The following RREB1 variants were observed in gnomAD, a reference collection of about 807,000 sequenced individuals.
RREB1 encodes ras-responsive element-binding protein 1.
A neutral mutation model predicts 117.8 loss-of-function variants in RREB1; 27 were observed. The ratio of observed to expected loss-of-function variants is 0.23; its 90% CI spans 0.17 to 0.32. The LOEUF (loss-of-function observed/expected upper bound fraction) is 0.32, where lower values mean the gene tolerates loss of function less well. Ranked by LOEUF, RREB1 falls within the 10% of genes least tolerant of loss-of-function variation. The pLI is 1.00. For synonymous variants in RREB1, 1,298 were observed against 1,026.7 expected (o/e 1.26, Z -5.05); for missense variants, 2,577 against 2,378.2 (o/e 1.08, Z -1.74).
chr6:7,168,021 G>T (rs535992510), intron 1 of RREB1, among the ~76,000 whole-genome samples: 1 of 152,180 alleles, frequency 6.6e-6, no homozygotes, highest in East Asian at 1.9e-4. Flanking sequence ...AACACTTTGT[G>T]AGGCCGAGGT....
At chr6:7,195,811 T>TG (rs772880894) in intron 6 of RREB1, among the ~76,000 whole-genome samples, 15 of 152,190 alleles carry the variant, frequency 9.9e-5, no homozygotes, top group Non-Finnish European at 1.9e-4. Flanking sequence ...CGTTCCATCT[T>TG]GTTTGTAACC....
intron 1 of RREB1, among the ~76,000 whole-genome samples, chr6:7,162,364 G>T (rs1367982811): frequency 6.6e-6 from 1 of 152,134 alleles, no homozygotes; most frequent in Non-Finnish European, 1.5e-5. Context: ...TCTGCGTGTG[G>T]CTGGGAGGCG....
intron 1 of RREB1, among the ~76,000 whole-genome samples, chr6:7,133,107 G>A (rs949715058): frequency 6.6e-6 from 1 of 152,120 alleles, no homozygotes; most frequent in African/African-American, 2.4e-5. Context: ...GTTTACAATC[G>A]TAGAGCATTG....
chr6:7,224,867 G>A (rs1767489432), intron 8 of RREB1, among the ~76,000 whole-genome samples: 1 of 152,130 alleles, frequency 6.6e-6, no homozygotes, highest in Non-Finnish European at 1.5e-5. Context: ...GTGGCTCATG[G>A]GAACCCGGGT....
intron 8 of RREB1, chr6:7,216,358 G>A (rs1443424838): frequency 6.6e-6 from 1 of 152,112 alleles, no homozygotes; most frequent in African/African-American, 2.4e-5. Context: ...ATTTCCTCTG[G>A]GTCAGGGCCC....
chr6:7,200,437 T>C (rs910122162), intron 6 of RREB1, among the ~76,000 whole-genome samples: 11 of 151,950 alleles, frequency 7.2e-5, no homozygotes, highest in African/African-American at 2.7e-4. Flanking sequence ...ACCCAGCTAA[T>C]TTTGTATTTT....
At chr6:7,199,007 T>G (rs543863570) in intron 6 of RREB1, among the ~76,000 whole-genome samples, 1 of 152,358 alleles carries the variant, frequency 6.6e-6, no homozygotes, top group Admixed American at 6.5e-5. Flanking sequence ...GTAGCATTAT[T>G]AAGCTTTCAC....
chr6:7,223,561 C>CAAAAAAAAAAAAAAAAA (rs368033890), intron 8 of RREB1, among the ~76,000 whole-genome samples: 40 of 95,614 alleles, frequency 4.2e-4, no homozygotes, highest in Non-Finnish European at 7.5e-4. Flanking sequence ...ACTCTTGTCT[C>CAAAAAAAAAAAAAAAAA]AAAAAAAAAA....
intron 8 of RREB1, among the ~76,000 whole-genome samples, chr6:7,223,881 C>G (rs1767431201): frequency 6.6e-6 from 1 of 152,074 alleles, no homozygotes; most frequent in Admixed American, 6.6e-5. Flanking sequence ...AAGTCTCTTC[C>G]CAACCTGTTT....
intron 8 of RREB1, among the ~76,000 whole-genome samples, chr6:7,219,382 A>C (rs1767106881): frequency 1.3e-5 from 2 of 152,244 alleles, no homozygotes; most frequent in Non-Finnish European, 2.9e-5. Flanking sequence ...TTGAGGATTG[A>C]AAGGACAAAA....
At chr6:7,175,355 G>A (rs1334411956) in intron 1 of RREB1, among the ~76,000 whole-genome samples, 4 of 114,718 alleles carry the variant, frequency 3.5e-5, no homozygotes, top group Non-Finnish European at 6.8e-5. Flanking sequence ...TATGTGCATT[G>A]TTTCAGTGGG....
chr6:7,202,411 A>T (rs1766038091), intron 6 of RREB1, among the ~76,000 whole-genome samples: 1 of 152,186 alleles, frequency 6.6e-6, no homozygotes, highest in Non-Finnish European at 1.5e-5. Context: ...GAAGTGGGAA[A>T]TGGCCCGTGA....
intron 1 of RREB1, among the ~76,000 whole-genome samples, chr6:7,109,777 AGCAC>A (rs1761045791): frequency 6.6e-6 from 1 of 152,232 alleles, no homozygotes. Context: ...AGCCAGCAGC[AGCAC>A]ACATTCGGGG....
intron 1 of RREB1, among the ~76,000 whole-genome samples, chr6:7,150,870 G>A (rs1468988496): frequency 2.0e-5 from 3 of 152,228 alleles, no homozygotes; most frequent in Non-Finnish European, 4.4e-5. Flanking sequence ...AACATCCGCC[G>A]GGTAGGCGGA....
At chr6:7,128,925 G>A (rs915277794) in intron 1 of RREB1, among the ~76,000 whole-genome samples, 10 of 152,074 alleles carry the variant, frequency 6.6e-5, no homozygotes, top group African/African-American at 2.4e-4. Context: ...GCTGAGATTG[G>A]GCCACTGCAC....
At chr6:7,139,967 A>T (rs1046229197) in intron 1 of RREB1, among the ~76,000 whole-genome samples, 1 of 152,240 alleles carries the variant, frequency 6.6e-6, no homozygotes, top group Non-Finnish European at 1.5e-5. Context: ...TTCAGTAAAC[A>T]TTAACTACTT....
At chr6:7,240,067 C>T (rs946470315) in intron 10 of RREB1, among the ~76,000 whole-genome samples, 2 of 152,204 alleles carry the variant, frequency 1.3e-5, no homozygotes, top group African/African-American at 4.8e-5. Flanking sequence ...CGTTAGAGGG[C>T]GTCTTTCTCT....
intron 1 of RREB1, among the ~76,000 whole-genome samples, chr6:7,111,288 T>C (rs1420733512): frequency 2.0e-5 from 3 of 152,186 alleles, no homozygotes; most frequent in Non-Finnish European, 4.4e-5. Flanking sequence ...TGCTATCTTA[T>C]GCTTGCTTGC....
At chr6:7,137,673 A>G (rs1762399607) in intron 1 of RREB1, among the ~76,000 whole-genome samples, 1 of 151,774 alleles carries the variant, frequency 6.6e-6, no homozygotes, top group African/African-American at 2.4e-5. Flanking sequence ...GGAAAGGTAC[A>G]GCGTTAATTT....
Sources: allele counts gnomAD v4.1 joint callset (sites outside exome capture counted in the v4.1 genomes callset), GRCh38; gene constraint gnomAD v4.1.1; transcripts MANE v1.5; gene names NCBI Gene and HGNC (gene_info 2026-07-23, HGNC 2026-07-21).